MCTP1: variants seen among roughly 807,000 people sequenced by gnomAD.
MCTP1 encodes multiple C2 and transmembrane domain-containing protein 1.
A neutral mutation model predicts 120.6 loss-of-function variants in MCTP1; 69 were observed. The ratio of observed to expected loss-of-function variants is 0.57; its 90% CI spans 0.47 to 0.70. The LOEUF is 0.70. MCTP1 is among the 30% of genes least tolerant of loss of function. MCTP1 has a pLI of 0.00. For missense variants in MCTP1, 1,203 were observed against 1,248.8 expected, an observed-to-expected ratio of 0.96 and a Z score of 0.55; for synonymous variants, 529 against 493.1, an observed-to-expected ratio of 1.07 and a Z score of -0.96.
At chr5:95,031,068 T>A (rs73775409) in intron 1 of MCTP1, among the ~76,000 whole-genome samples, 1,660 of 151,976 alleles carry the variant, frequency 0.011, 43 homozygotes, top group African/African-American at 0.038. Flanking sequence ...GTCTTTCAAA[T>A]TATCTGAGTC....
chr5:94,867,844 TA>T (rs1281407056), intron 17 of MCTP1: 1 of 159,292 alleles, frequency 6.3e-6, no homozygotes, highest in Non-Finnish European at 1.4e-5. Flanking sequence ...AAACATCTCT[TA>T]AATAGGTCAC....
intron 19 of MCTP1, among the ~76,000 whole-genome samples, chr5:94,723,486 T>C (rs1271323396): frequency 1.3e-5 from 2 of 152,224 alleles, no homozygotes; most frequent in East Asian, 1.9e-4. Flanking sequence ...GAGTCTATTT[T>C]AGAAAATGAT....
chr5:94,771,713 G>A (rs954225650), intron 19 of MCTP1, among the ~76,000 whole-genome samples: 3 of 152,156 alleles, frequency 2.0e-5, no homozygotes, highest in African/African-American at 7.2e-5. Context: ...CAGATCTAGT[G>A]CTTTAAAATA....
At chr5:94,906,211 G>A (rs535337567) in intron 10 of MCTP1, among the ~76,000 whole-genome samples, 43 of 152,132 alleles carry the variant, frequency 2.8e-4, no homozygotes, top group Middle Eastern at 3.4e-3. Flanking sequence ...GGGGCTGGGC[G>A]CAGTGGCTCA....
intron 1 of MCTP1, among the ~76,000 whole-genome samples, chr5:95,108,631 G>A (rs988259340): frequency 1.3e-4 from 20 of 152,316 alleles, no homozygotes; most frequent in African/African-American, 4.8e-4. Flanking sequence ...CTATTATAAA[G>A]GAAAGCTGGC....
chr5:95,009,417 A>T (rs986713397), intron 2 of MCTP1, among the ~76,000 whole-genome samples: 3 of 152,012 alleles, frequency 2.0e-5, no homozygotes, highest in African/African-American at 7.2e-5. Context: ...GTTCCTAAAA[A>T]CCCAACCTAA....
chr5:94,820,963 G>A lies in MCTP1; in HGVS notation c.2437-21831C>T, dbSNP rs138474261. Among the ~76,000 whole-genome samples the A allele has an allele frequency of 1.1e-3, 168 of 152,266 alleles. 1 individual carries two copies. The highest frequency in any genetic ancestry group is 3.9e-3 in the African/African-American group (161 of 41,564). ...AATAATCTTTAAAATAACCATGCAAGGTAGGGGTTAATATCTCTTTTCCAG... is the reference window on the plus strand; with the variant it reads ...AATAATCTTTAAAATAACCATGCAAAGTAGGGGTTAATATCTCTTTTCCAG... On this transcript the variant is annotated intron_variant, in intron 17 of 22. Transcript: ENST00000515393.
At chr5:94,996,119 T>G (rs1407494470) in intron 2 of MCTP1, among the ~76,000 whole-genome samples, 1 of 152,228 alleles carries the variant, frequency 6.6e-6, no homozygotes, top group African/African-American at 2.4e-5. Context: ...TCTGCCTATA[T>G]CACTGAGTGG....
At chr5:95,068,617 C>A (rs1189167562) in intron 1 of MCTP1, among the ~76,000 whole-genome samples, 1 of 152,202 alleles carries the variant, frequency 6.6e-6, no homozygotes, top group African/African-American at 2.4e-5. Flanking sequence ...TGGCCGGGAT[C>A]TGTTTTCTAC....
intron 18 of MCTP1, among the ~76,000 whole-genome samples, chr5:94,798,071 G>A (rs1780447747): frequency 6.7e-6 from 1 of 148,506 alleles, no homozygotes. Context: ...ATAATCTACA[G>A]ATCATAAATC....
intron 1 of MCTP1, among the ~76,000 whole-genome samples, chr5:95,273,702 G>A (rs755551902): frequency 1.3e-5 from 2 of 152,098 alleles, no homozygotes; most frequent in African/African-American, 4.8e-5. Context: ...AGAGTACATA[G>A]GTGACAATCT....
chr5:95,062,752 A>C (rs985392422), intron 1 of MCTP1, among the ~76,000 whole-genome samples: 1 of 152,230 alleles, frequency 6.6e-6, no homozygotes, highest in African/African-American at 2.4e-5. Flanking sequence ...GATTATCCAG[A>C]CAATGTTTTC....
At chr5:94,969,998 C>CATATA (rs1227701766) in intron 2 of MCTP1, among the ~76,000 whole-genome samples, 1 of 151,896 alleles carries the variant, frequency 6.6e-6, no homozygotes, top group Non-Finnish European at 1.5e-5. Context: ...CAGGTGGCTT[C>CATATA]ATATAATAAA....
At chr5:95,139,073 T>C (rs573652490) in intron 1 of MCTP1, among the ~76,000 whole-genome samples, 1 of 152,316 alleles carries the variant, frequency 6.6e-6, no homozygotes, top group African/African-American at 2.4e-5. Flanking sequence ...TAGGGTTTTT[T>C]TTTCCTTTCA....
chr5:95,263,509 C>T (rs185543935), intron 1 of MCTP1, among the ~76,000 whole-genome samples: 10 of 152,274 alleles, frequency 6.6e-5, no homozygotes, highest in East Asian at 5.8e-4. Context: ...CTCTCACCCA[C>T]GCCCACTGCT....
chr5:95,052,253 T>C (rs1467869731), intron 1 of MCTP1, among the ~76,000 whole-genome samples: 2 of 152,172 alleles, frequency 1.3e-5, no homozygotes. Context: ...AAACAGGTAT[T>C]TCTCAAAATG....
intron 2 of MCTP1, among the ~76,000 whole-genome samples, chr5:94,958,765 G>A (rs1023067052): frequency 9.9e-5 from 15 of 152,210 alleles, no homozygotes; most frequent in Admixed American, 7.2e-4. Flanking sequence ...TTCTGAAATT[G>A]AGGCAGTAAT....
Position 95,089,130 on chromosome 5 carries a change from T to C in MCTP1, c.721-71646A>G, listed in dbSNP as rs189620046. Among the ~76,000 whole-genome samples, 292 of 152,298 alleles carry C rather than the reference T, an allele frequency of 1.9e-3. 1 individual carries two copies. Among genetic ancestry groups the C allele is most frequent in the African/African-American group, 6.7e-3 (277 of 41,566 alleles). ...AGAACTACAGAGCAAGTAACCACCA[T>C]AAAATACTATAGGTCTGGAGATAGT... On this transcript the variant is annotated intron_variant, in intron 1 of 22. Transcript: ENST00000515393.
intron 17 of MCTP1, among the ~76,000 whole-genome samples, chr5:94,848,809 A>C (rs944501615): frequency 2.0e-5 from 3 of 152,058 alleles, no homozygotes; most frequent in African/African-American, 7.2e-5. Flanking sequence ...CTTAATATTT[A>C]TTTATTGCCA....
Sources: allele counts gnomAD v4.1 joint callset (sites outside exome capture counted in the v4.1 genomes callset), GRCh38; gene constraint gnomAD v4.1.1; transcripts MANE v1.5; gene names NCBI Gene and HGNC (gene_info 2026-07-23, HGNC 2026-07-21).